The following ARHGAP24 variants were observed in gnomAD, a reference collection of about 807,000 sequenced individuals.
ARHGAP24 encodes the protein Rho GTPase activating protein 24.
A neutral mutation model predicts 76.4 loss-of-function variants in ARHGAP24; 50 were observed. The observed-to-expected ratio is 0.65, with a 90% CI of 0.52 to 0.83. The LOEUF is 0.83. Ranked by LOEUF, ARHGAP24 falls within the 40% of genes least tolerant of loss-of-function variation. The probability of loss-of-function intolerance (pLI) is 0.00; values close to 1 mark genes in which losing one functional copy is unlikely to be tolerated. For synonymous variants in ARHGAP24, 345 were observed against 323.3 expected (o/e 1.07, Z -0.72); for missense variants, 930 against 914.2 (o/e 1.02, Z -0.22).
intron 3 of ARHGAP24, among the ~76,000 whole-genome samples, chr4:85,741,460 T>C (rs1354445931): frequency 6.6e-6 from 1 of 152,254 alleles, no homozygotes; most frequent in African/African-American, 2.4e-5. Flanking sequence ...TATCATTATA[T>C]GTGTTAAACT....
chr4:85,853,284 G>T lies in ARHGAP24; in HGVS notation c.269-70364G>T, dbSNP rs115959376. Among the ~76,000 whole-genome samples the T allele has an allele frequency of 4.0e-3, 608 of 152,358 alleles. 3 individuals carry two copies. Among genetic ancestry groups the T allele is most frequent in the African/African-American group, 0.014 (568 of 41,584 alleles). Reference sequence around the variant, plus strand: ...TGTGGGCATGGGTCCCACTGAGCCAGGCACAGGATATAATCTTCTGGTGTG... The same window carrying T: ...TGTGGGCATGGGTCCCACTGAGCCATGCACAGGATATAATCTTCTGGTGTG... On this transcript the variant is annotated intron_variant, in intron 3 of 9. Transcript: ENST00000395184.
At chr4:85,630,024 C>CT (rs1721107210) in intron 2 of ARHGAP24, among the ~76,000 whole-genome samples, 1 of 151,934 alleles carries the variant, frequency 6.6e-6, no homozygotes, top group Admixed American at 6.6e-5. Flanking sequence ...TTTCTTCTCT[C>CT]TTTTTTATTC....
At chr4:85,837,870 G>A (rs531037518) in intron 3 of ARHGAP24, among the ~76,000 whole-genome samples, 4 of 152,054 alleles carry the variant, frequency 2.6e-5, no homozygotes, top group South Asian at 4.2e-4. Context: ...ATCTTCTCTC[G>A]AGTCCTATAG....
rs1342354389 is a variant in ARHGAP24, at chr4:85,755,636, G to GTTTTTTT, written c.268+33668_268+33669insTTTTTTT. On this transcript the variant is annotated intron_variant, in intron 3 of 9. Transcript: ENST00000395184. Reference sequence around the variant, plus strand: ...AGCTTCTATTCTTTTGTTTTGTTTTGTTTTGTTTTGTTTTGAGACGGAGTC... The same window carrying GTTTTTTT: ...AGCTTCTATTCTTTTGTTTTGTTTTGTTTTTTTTTTTGTTTTGTTTTGAGACGGAGTC... Among the ~76,000 whole-genome samples, 9 of 114,302 alleles carry GTTTTTTT rather than the reference G, an allele frequency of 7.9e-5. 1 individual carries two copies. The highest frequency in any genetic ancestry group is 5.8e-4 in the South Asian group (2 of 3,462). The allele number at this position is 114,302 out of a possible 152,430, so 75.0% of individuals were successfully genotyped here. A position where few individuals can be genotyped will look rare whatever the true frequency, so the allele number is the denominator to read the frequency against.
At chr4:85,630,905 T>G (rs1363537042) in intron 2 of ARHGAP24, among the ~76,000 whole-genome samples, 3 of 152,134 alleles carry the variant, frequency 2.0e-5, no homozygotes, top group Non-Finnish European at 4.4e-5. Flanking sequence ...TAGTTAGTCT[T>G]TGTGATACAT....
chr4:85,708,403 A>G (rs1724400572), intron 2 of ARHGAP24, among the ~76,000 whole-genome samples: 1 of 152,190 alleles, frequency 6.6e-6, no homozygotes, highest in African/African-American at 2.4e-5. Context: ...TTAAACCTCA[A>G]AACAGCCCTC....
chr4:85,797,896 C>T (rs1728431556), intron 3 of ARHGAP24, among the ~76,000 whole-genome samples: 1 of 152,126 alleles, frequency 6.6e-6, no homozygotes. Flanking sequence ...GCAAAACAAC[C>T]TTGAATAAAT....
At chr4:85,981,888 G>A (rs554401943) in intron 8 of ARHGAP24, among the ~76,000 whole-genome samples, 2 of 152,012 alleles carry the variant, frequency 1.3e-5, no homozygotes. Flanking sequence ...TTAACTCTTC[G>A]CATTTTCCAG....
intron 3 of ARHGAP24, among the ~76,000 whole-genome samples, chr4:85,771,528 T>C (rs1727129500): frequency 6.6e-6 from 1 of 152,228 alleles, no homozygotes; most frequent in South Asian, 2.1e-4. Context: ...TAACGACTTC[T>C]GGAAACACAG....
chr4:85,759,464 G>A (rs187385938), intron 3 of ARHGAP24, among the ~76,000 whole-genome samples: 44 of 152,264 alleles, frequency 2.9e-4, no homozygotes, highest in African/African-American at 8.7e-4. Flanking sequence ...AGAGAAGGAG[G>A]ACTGATGGCT....
At chr4:85,688,889 G>C (rs1473165251) in intron 2 of ARHGAP24, among the ~76,000 whole-genome samples, 1 of 152,056 alleles carries the variant, frequency 6.6e-6, no homozygotes, top group Non-Finnish European at 1.5e-5. Flanking sequence ...AGTGTTCTAT[G>C]CTGTTCCATT....
chr4:85,838,530 C>T (rs1730417386), intron 3 of ARHGAP24, among the ~76,000 whole-genome samples: 1 of 152,102 alleles, frequency 6.6e-6, no homozygotes. Flanking sequence ...ACCCAGGAGG[C>T]GGAGCTGGCA....
chr4:85,598,627 T>A (rs1719922554), intron 2 of ARHGAP24, among the ~76,000 whole-genome samples: 2 of 152,056 alleles, frequency 1.3e-5, no homozygotes, highest in Non-Finnish European at 2.9e-5. Flanking sequence ...TAGTGTTGGA[T>A]CTCATATAGT....
intron 1 of ARHGAP24, among the ~76,000 whole-genome samples, chr4:85,482,899 C>T (rs1162494142): frequency 2.0e-5 from 3 of 152,100 alleles, no homozygotes; most frequent in Non-Finnish European, 4.4e-5. Flanking sequence ...ATTAAAGTAT[C>T]TCACTCCAAG....
At chr4:85,773,205 A>T (rs1727193004) in intron 3 of ARHGAP24, among the ~76,000 whole-genome samples, 1 of 152,184 alleles carries the variant, frequency 6.6e-6, no homozygotes, top group Admixed American at 6.6e-5. Context: ...ATTTCAGACT[A>T]TCACAGTATC....
chr4:85,972,021 C>A lies in ARHGAP24; in HGVS notation c.600-15C>A, dbSNP rs1739015544. Reference sequence around the variant, plus strand: ...GTTTACTCCAAAGAATATCTTCACACTTCTGTCTCCACAGCAACACAGATG... The same window carrying A: ...GTTTACTCCAAAGAATATCTTCACAATTCTGTCTCCACAGCAACACAGATG... On this transcript the variant is annotated splice_polypyrimidine_tract_variant and intron_variant, in intron 5 of 9. Coordinates refer to ENST00000395184, the MANE Select transcript of ARHGAP24 (RefSeq NM_001025616.3). 7 of 1,613,884 alleles carry A rather than the reference C, an allele frequency of 4.3e-6. No homozygotes were observed. Among genetic ancestry groups the A allele is most frequent in the Non-Finnish European group, 5.9e-6 (7 of 1,179,966 alleles).
intron 3 of ARHGAP24, among the ~76,000 whole-genome samples, chr4:85,739,320 G>T (rs940644784): frequency 4.6e-5 from 7 of 152,160 alleles, no homozygotes; most frequent in African/African-American, 1.4e-4. Context: ...CTTGCCATAA[G>T]TCAGGGCATT....
intron 2 of ARHGAP24, among the ~76,000 whole-genome samples, chr4:85,634,102 T>TA (rs1195528225): frequency 3.9e-5 from 6 of 151,990 alleles, no homozygotes; most frequent in East Asian, 1.9e-4. Context: ...AACTGAAGGA[T>TA]AAAAAATCTC....
intron 3 of ARHGAP24, chr4:85,723,192 C>T (rs1578172632): frequency 6.6e-6 from 1 of 152,250 alleles, no homozygotes; most frequent in Non-Finnish European, 1.5e-5. Flanking sequence ...ATGTCTTTTC[C>T]GATTTATTCT....
Sources: gnomAD v4.1 joint callset for allele counts (sites outside exome capture counted in the v4.1 genomes callset) on GRCh38, gnomAD v4.1.1 for gene constraint, MANE v1.5 for transcripts, NCBI Gene and HGNC (gene_info 2026-07-23, HGNC 2026-07-21) for gene names.